The following FGF12 variants were observed in gnomAD, a reference collection of about 807,000 sequenced individuals.
The protein encoded by FGF12 is fibroblast growth factor 12.
A neutral mutation model predicts 23.6 loss-of-function variants in FGF12; 14 were observed. The ratio of observed to expected loss-of-function variants is 0.59; its 90% confidence interval spans 0.39 to 0.93. FGF12 has a LOEUF of 0.93. Among genes scored for constraint, FGF12 ranks in the 40% least tolerant of loss-of-function variants. FGF12 has a pLI of 0.00. For synonymous variants in FGF12, 62 were observed against 77.3 expected, an observed-to-expected ratio of 0.80 and a Z score of 1.04; for missense variants, 175 against 217.8, an observed-to-expected ratio of 0.80 and a Z score of 1.24.
chr3:192,167,761 A>T (rs1246323217), intron 5 of FGF12, among the ~76,000 whole-genome samples: 2,081 of 33,438 alleles, frequency 0.062, 132 homozygotes, highest in Non-Finnish European at 0.088. Context: ...ATATATATAT[A>T]TATATATAAA....
At chr3:192,611,882 A>G (rs1417187653) in intron 2 of FGF12, among the ~76,000 whole-genome samples, 1 of 152,010 alleles carries the variant, frequency 6.6e-6, no homozygotes, top group Non-Finnish European at 1.5e-5. Context: ...CCACGTTCAA[A>G]TAAATTTGGG....
intron 2 of FGF12, among the ~76,000 whole-genome samples, chr3:192,628,920 T>C (rs1030728682): frequency 6.6e-6 from 1 of 152,016 alleles, no homozygotes; most frequent in Non-Finnish European, 1.5e-5. Context: ...ATTATTTTTA[T>C]TGGCCACTGA....
chr3:192,352,701 T>G (rs1428354335), intron 3 of FGF12, among the ~76,000 whole-genome samples: 2 of 152,190 alleles, frequency 1.3e-5, no homozygotes, highest in Admixed American at 6.5e-5. Context: ...CTAGGTACTT[T>G]TAAGGAATCA....
chr3:192,675,547 A>G (rs1717299230), intron 2 of FGF12, among the ~76,000 whole-genome samples: 1 of 152,122 alleles, frequency 6.6e-6, no homozygotes, highest in Admixed American at 6.5e-5. Flanking sequence ...CCCTGTGTTC[A>G]TTATCCACCA....
At chr3:192,651,388 C>G (rs1398791491) in intron 2 of FGF12, among the ~76,000 whole-genome samples, 1 of 152,174 alleles carries the variant, frequency 6.6e-6, no homozygotes. Flanking sequence ...GTCTCACACC[C>G]TGTCAAGCTA....
At chr3:192,483,033 T>C (rs769932759) in intron 2 of FGF12, among the ~76,000 whole-genome samples, 7 of 152,160 alleles carry the variant, frequency 4.6e-5, no homozygotes, top group Non-Finnish European at 1.0e-4. Context: ...CTTCAATATA[T>C]GTTTCCAGCT....
At chr3:192,199,720 A>G (rs1717261247) in intron 4 of FGF12, among the ~76,000 whole-genome samples, 1 of 152,226 alleles carries the variant, frequency 6.6e-6, no homozygotes, top group Non-Finnish European at 1.5e-5. Flanking sequence ...GGCAAAAAAT[A>G]AAAAGGTAGT....
rs188461606 is a variant in FGF12, at chr3:192,382,759, T to C, written c.14-22221A>G. Among the ~76,000 whole-genome samples, 60 of 152,318 alleles carry C rather than the reference T, an allele frequency of 3.9e-4. No individual in the cohort carries two copies. The East Asian group carries it at 0.012, about 29-fold the overall frequency. On this transcript the variant is annotated intron_variant, in intron 2 of 5. Coordinates refer to ENST00000445105, the MANE Select transcript of FGF12 (RefSeq NM_004113.6). ...ATAAGTTGTATTACCCCAAAATATA[T>C]AATTATTAAATTTGAATGTAAATTA...
At chr3:192,253,982 C>T (rs948068099) in intron 4 of FGF12, among the ~76,000 whole-genome samples, 6 of 151,880 alleles carry the variant, frequency 4.0e-5, no homozygotes, top group African/African-American at 1.2e-4. Context: ...TGTTGAATGG[C>T]TAAATGGAGC....
chr3:192,617,535 G>A (rs1337781680), intron 2 of FGF12, among the ~76,000 whole-genome samples: 3 of 152,202 alleles, frequency 2.0e-5, no homozygotes, highest in Non-Finnish European at 4.4e-5. Flanking sequence ...CTTGAAATTG[G>A]TGTTATAAGA....
At chr3:192,325,637 T>C (rs903192511) in intron 4 of FGF12, among the ~76,000 whole-genome samples, 3 of 152,144 alleles carry the variant, frequency 2.0e-5, no homozygotes, top group Non-Finnish European at 2.9e-5. Context: ...GCAACTGCTT[T>C]GTACCTCTAC....
chr3:192,528,050 G>C (rs1724994451), intron 2 of FGF12, among the ~76,000 whole-genome samples: 1 of 152,042 alleles, frequency 6.6e-6, no homozygotes, highest in Admixed American at 6.6e-5. Flanking sequence ...TTCCACACCT[G>C]GCCCCTCCCA....
At chr3:192,397,134 T>C (rs1165174294) in intron 2 of FGF12, among the ~76,000 whole-genome samples, 3 of 152,218 alleles carry the variant, frequency 2.0e-5, no homozygotes, top group African/African-American at 7.2e-5. Context: ...TCCTTCTTGG[T>C]CCTGCTTTTC....
intron 2 of FGF12, among the ~76,000 whole-genome samples, chr3:192,410,765 G>A (rs972569048): frequency 6.6e-6 from 1 of 152,118 alleles, no homozygotes; most frequent in East Asian, 1.9e-4. Flanking sequence ...GGTGCGGCGA[G>A]GGAGTGATGT....
At chr3:192,263,269 T>G (rs916954425) in intron 4 of FGF12, among the ~76,000 whole-genome samples, 4 of 152,110 alleles carry the variant, frequency 2.6e-5, no homozygotes, top group Admixed American at 2.0e-4. Context: ...AAACAATTAT[T>G]TAGTATCAAG....
intron 2 of FGF12, among the ~76,000 whole-genome samples, chr3:192,655,380 CA>C (rs781593185): frequency 5.3e-5 from 8 of 152,104 alleles, no homozygotes; most frequent in Non-Finnish European, 7.4e-5. Context: ...TTCTAAAACT[CA>C]GATGTGATGG....
At chr3:192,175,458 A>ATGAT (rs888157180) in intron 4 of FGF12, among the ~76,000 whole-genome samples, 2 of 151,584 alleles carry the variant, frequency 1.3e-5, no homozygotes, top group Non-Finnish European at 2.9e-5. Flanking sequence ...GATATGTGAA[A>ATGAT]TGATAGGTCT....
intron 2 of FGF12, among the ~76,000 whole-genome samples, chr3:192,615,325 T>C (rs2654707): frequency 0.18 from 27,350 of 152,004 alleles, 3,015 homozygotes; most frequent in East Asian, 0.34. Flanking sequence ...CTCCCTTCTC[T>C]ATAATTATAG....
At chr3:192,362,863 T>A (rs1323437531) in intron 2 of FGF12, among the ~76,000 whole-genome samples, 1 of 152,128 alleles carries the variant, frequency 6.6e-6, no homozygotes, top group Non-Finnish European at 1.5e-5. Context: ...TAGTAAATAT[T>A]AACTGAGCTT....
Sources: allele counts gnomAD v4.1 joint callset (sites outside exome capture counted in the v4.1 genomes callset), GRCh38; gene constraint gnomAD v4.1.1; transcripts MANE v1.5; gene names NCBI Gene and HGNC (gene_info 2026-07-23, HGNC 2026-07-21).